DCC: variants seen among roughly 807,000 people sequenced by gnomAD.
DCC encodes the protein netrin receptor DCC.
In DCC, 58 loss-of-function variants were observed where a neutral mutation model predicts 172.5. The ratio of observed to expected loss-of-function variants is 0.34; its 90% CI spans 0.27 to 0.42. The LOEUF (loss-of-function observed/expected upper bound fraction) is 0.42, where lower values mean the gene tolerates loss of function less well. Among genes scored for constraint, DCC ranks in the 10% least tolerant of loss-of-function variants. DCC has a pLI of 1.00. For synonymous variants in DCC, 709 were observed against 644.5 expected (o/e 1.10, Z -1.52); for missense variants, 1,740 against 1,791.0 (o/e 0.97, Z 0.51).
intron 2 of DCC, among the ~76,000 whole-genome samples, chr18:52,817,063 T>C (rs1008255622): frequency 1.2e-4 from 19 of 152,174 alleles, no homozygotes; most frequent in African/African-American, 4.3e-4. Flanking sequence ...CCAGACGTTA[T>C]ATTACATTGA....
intron 5 of DCC, among the ~76,000 whole-genome samples, chr18:52,951,817 G>T (rs1043312508): frequency 1.3e-5 from 2 of 152,118 alleles, no homozygotes; most frequent in African/African-American, 4.8e-5. Context: ...TGCATAAATT[G>T]CAAACACATT....
At chr18:53,261,412 A>G (rs2056599913) in intron 12 of DCC, among the ~76,000 whole-genome samples, 1 of 152,182 alleles carries the variant, frequency 6.6e-6, no homozygotes, top group Non-Finnish European at 1.5e-5. Flanking sequence ...AAATGCTGTC[A>G]GTGACTCAGC....
chr18:52,747,343 GA>G, intron 1 of DCC, among the ~76,000 whole-genome samples: 1 of 152,334 alleles, frequency 6.6e-6, no homozygotes, highest in African/African-American at 2.4e-5. Flanking sequence ...GGTTCAAGGG[GA>G]TGGCCATTGG....
chr18:52,911,236 C>G (rs2039967024), intron 3 of DCC, among the ~76,000 whole-genome samples: 1 of 151,968 alleles, frequency 6.6e-6, no homozygotes, highest in Non-Finnish European at 1.5e-5. Context: ...AGCCCTATGA[C>G]TAACATAAGG....
chr18:52,744,259 A>G (rs2036872312), intron 1 of DCC, among the ~76,000 whole-genome samples: 1 of 152,110 alleles, frequency 6.6e-6, no homozygotes, highest in African/African-American at 2.4e-5. Flanking sequence ...TGTGTCCTTA[A>G]TTTTTGTTCA....
intron 21 of DCC, among the ~76,000 whole-genome samples, chr18:53,429,241 C>G (rs879454756): frequency 2.7e-5 from 4 of 149,140 alleles, no homozygotes; most frequent in Admixed American, 1.4e-4. Flanking sequence ...TATTTGTAAA[C>G]GTTTTTCCTA....
intron 25 of DCC, among the ~76,000 whole-genome samples, chr18:53,476,184 C>G (rs1247437116): frequency 2.0e-5 from 3 of 152,176 alleles, no homozygotes; most frequent in African/African-American, 7.2e-5. Flanking sequence ...GTGGAAAGGA[C>G]TTGCCTTGTC....
At chr18:53,064,973 T>C (rs1253681789) in intron 6 of DCC, among the ~76,000 whole-genome samples, 1 of 152,206 alleles carries the variant, frequency 6.6e-6, no homozygotes, top group Non-Finnish European at 1.5e-5. Flanking sequence ...CATGACTCAT[T>C]ACAGCCAACC....
chr18:53,111,622 T>A (rs2043333267), intron 7 of DCC, among the ~76,000 whole-genome samples: 1 of 151,524 alleles, frequency 6.6e-6, no homozygotes, highest in South Asian at 2.1e-4. Flanking sequence ...TTTAAATTGC[T>A]TTAAAAGAGG....
chr18:52,380,641 T>C (rs1389761395), intron 1 of DCC, among the ~76,000 whole-genome samples: 2 of 152,174 alleles, frequency 1.3e-5, no homozygotes, highest in Non-Finnish European at 2.9e-5. Flanking sequence ...TAGGTGATTT[T>C]ATAAACTTTG....
chr18:53,419,362 A>G, intron 21 of DCC, among the ~76,000 whole-genome samples: 1 of 152,148 alleles, frequency 6.6e-6, no homozygotes, highest in East Asian at 1.9e-4. Flanking sequence ...CTGTTGTGCT[A>G]TCAAATAGTA....
intron 5 of DCC, among the ~76,000 whole-genome samples, chr18:53,061,302 T>A (rs2042491477): frequency 6.6e-6 from 1 of 152,098 alleles, no homozygotes; most frequent in Non-Finnish European, 1.5e-5. Flanking sequence ...TCTCCCTCTA[T>A]ATTCCTAATC....
chr18:53,490,591 C>T (rs145662309), intron 26 of DCC, among the ~76,000 whole-genome samples: 3 of 152,270 alleles, frequency 2.0e-5, no homozygotes, highest in Non-Finnish European at 2.9e-5. Context: ...GATTCTCACT[C>T]GATACTCTGA....
chr18:53,149,500 T>C (rs2043967420), intron 7 of DCC, among the ~76,000 whole-genome samples: 1 of 152,224 alleles, frequency 6.6e-6, no homozygotes, highest in African/African-American at 2.4e-5. Context: ...TAGTCAAATC[T>C]ATTTATTTAC....
intron 2 of DCC, among the ~76,000 whole-genome samples, chr18:52,772,400 G>A (rs1020895782): frequency 6.6e-6 from 1 of 152,148 alleles, no homozygotes; most frequent in Non-Finnish European, 1.5e-5. Context: ...GGATTGCCAT[G>A]GTTTATGGCA....
intron 25 of DCC, among the ~76,000 whole-genome samples, chr18:53,474,580 C>A (rs765973885): frequency 2.6e-4 from 40 of 152,164 alleles, no homozygotes; most frequent in Non-Finnish European, 4.6e-4. Context: ...AGTCTCCCTG[C>A]ACAAGCTCTC....
At chr18:53,029,822 C>G (rs1420981439) in intron 5 of DCC, among the ~76,000 whole-genome samples, 5 of 152,076 alleles carry the variant, frequency 3.3e-5, no homozygotes, top group Non-Finnish European at 7.4e-5. Context: ...TTAGATCAGT[C>G]CTCATCATCA....
At chr18:53,424,345 A>C (rs1411320713) in intron 21 of DCC, among the ~76,000 whole-genome samples, 1 of 152,226 alleles carries the variant, frequency 6.6e-6, no homozygotes, top group African/African-American at 2.4e-5. Flanking sequence ...CTATGTATCC[A>C]GTACTGTGCT....
At chr18:53,161,109 T>C (rs1816337238) in intron 8 of DCC, among the ~76,000 whole-genome samples, 2 of 152,234 alleles carry the variant, frequency 1.3e-5, no homozygotes, top group South Asian at 2.1e-4. Context: ...TTCTCTCCTC[T>C]ACCACTCCAT....
Sources: allele counts gnomAD v4.1 joint callset (sites outside exome capture counted in the v4.1 genomes callset), GRCh38; gene constraint gnomAD v4.1.1; transcripts MANE v1.5; gene names NCBI Gene and HGNC (gene_info 2026-07-23, HGNC 2026-07-21).